The following THOC2 variants were observed in gnomAD, a reference collection of about 807,000 sequenced individuals.
The protein encoded by THOC2 is THO complex subunit 2.
A neutral mutation model predicts 128.4 loss-of-function variants in THOC2; 10 were observed. That is an observed-to-expected ratio of 0.08 (90% CI 0.05 to 0.13). THOC2 has a LOEUF of 0.13. THOC2 is among the 10% of genes least tolerant of loss of function. The pLI is 1.00. For missense variants in THOC2, 535 were observed against 1,155.7 expected, an observed-to-expected ratio of 0.46 and a Z score of 7.79; for synonymous variants, 393 against 396.9, an observed-to-expected ratio of 0.99 and a Z score of 0.12.
chrX:123,727,600 TTTTAA>T (rs1294092484), intron 1 of THOC2, among the ~76,000 whole-genome samples: 2 of 112,398 alleles, frequency 1.8e-5, no homozygotes, highest in Non-Finnish European at 3.8e-5. Context: ...TTTTTCCACT[TTTTAA>T]TTTAATTTTT....
At chrX:123,678,426 C>T (rs1266773721) in intron 8 of THOC2, among the ~76,000 whole-genome samples, 1 of 109,250 alleles carries the variant, frequency 9.2e-6, no homozygotes, top group East Asian at 2.9e-4. Flanking sequence ...CCACCAAGCC[C>T]AGCTAATTTT....
chrX:123,700,552 G>A (rs2050658679), intron 4 of THOC2, among the ~76,000 whole-genome samples: 2 of 77,006 alleles, frequency 2.6e-5, no homozygotes, highest in Admixed American at 1.5e-4. Flanking sequence ...GGTGGGGGGG[G>A]GTGGGGGGGT....
chrX:123,670,045 T>C (rs1396471362), intron 9 of THOC2, among the ~76,000 whole-genome samples: 3 of 112,327 alleles, frequency 2.7e-5, no homozygotes, highest in Non-Finnish European at 5.6e-5. Flanking sequence ...TTTCCACATA[T>C]GCCGGTCTAT....
chrX:123,716,614 A>G (rs2051426049), intron 1 of THOC2, among the ~76,000 whole-genome samples: 1 of 109,071 alleles, frequency 9.2e-6, no homozygotes, highest in Non-Finnish European at 1.9e-5. Flanking sequence ...GTGTAGACCC[A>G]GCTTCTCGGG....
Position 123,623,476 on chromosome X carries a change from T to C in THOC2, c.3504-193A>G, listed in dbSNP as rs201037703. 1.8e-5 allele frequency: 10 copies of C among 564,547 alleles called. No homozygotes were observed. The East Asian group carries it at 4.0e-4, about 22-fold the overall frequency. 46.5% of individuals were successfully genotyped at this position (564,547 alleles called of 1,213,427 possible). ...TTTCTTAAAAATTACAATTTCACTATAAACTAATCCTTAAACTAAGATGGC... is the reference window on the plus strand; with the variant it reads ...TTTCTTAAAAATTACAATTTCACTACAAACTAATCCTTAAACTAAGATGGC... On this transcript the variant is annotated intron_variant, in intron 28 of 38. Coordinates refer to ENST00000245838, the MANE Select transcript of THOC2 (RefSeq NM_001081550.2).
chrX:123,727,463 G>GA (rs2148001716), intron 1 of THOC2, among the ~76,000 whole-genome samples: 1 of 111,357 alleles, frequency 9.0e-6, no homozygotes, highest in African/African-American at 3.3e-5. Flanking sequence ...ATAGGGAGAG[G>GA]AAAAAACAAA....
intron 3 of THOC2, among the ~76,000 whole-genome samples, chrX:123,706,491 G>A (rs1167612262): frequency 9.3e-6 from 1 of 107,129 alleles, no homozygotes; most frequent in Non-Finnish European, 1.9e-5. Flanking sequence ...ATTTACATTA[G>A]GTATATCTCC....
intron 8 of THOC2, among the ~76,000 whole-genome samples, chrX:123,683,136 G>A (rs2049856674): frequency 9.0e-6 from 1 of 111,232 alleles, no homozygotes; most frequent in Non-Finnish European, 1.9e-5. Flanking sequence ...TACTGGTTGA[G>A]CATCCCAAAT....
At chrX:123,643,237 G>A (rs1242021746) in intron 15 of THOC2, among the ~76,000 whole-genome samples, 1 of 111,423 alleles carries the variant, frequency 9.0e-6, no homozygotes, top group Non-Finnish European at 1.9e-5. Context: ...TCTGGAAGTA[G>A]AATTGGCAGG....
intron 1 of THOC2, among the ~76,000 whole-genome samples, chrX:123,727,634 T>C (rs1315436293): frequency 8.9e-6 from 1 of 112,513 alleles, no homozygotes; most frequent in African/African-American, 3.2e-5. Context: ...AAAATAGAGA[T>C]AGGTTCTCGC....
intron 36 of THOC2, among the ~76,000 whole-genome samples, chrX:123,611,892 C>G (rs765691552): frequency 1.0e-3 from 109 of 108,353 alleles, no homozygotes; most frequent in Admixed American, 1.9e-3. Flanking sequence ...GAAAGATAAA[C>G]AAATGGCCAA....
chrX:123,624,528 T>G lies in THOC2; in HGVS notation c.3186+13A>C, dbSNP rs1261258150. The G allele has an allele frequency of 2.5e-6, 3 of 1,201,730 alleles. No individual in the cohort carries two copies. The South Asian group carries it at 5.4e-5, about 22-fold the overall frequency. On this transcript the variant is annotated intron_variant, in intron 26 of 38. Coordinates refer to ENST00000245838, the MANE Select transcript of THOC2 (RefSeq NM_001081550.2). The stretch of plus-strand genomic sequence containing the variant: ...ATACATGGGTAAAATATAAGGGTTT[T>G]TATTAGTCATACCTTTTCATATGTG...
intron 37 of THOC2, among the ~76,000 whole-genome samples, chrX:123,611,206 A>C (rs1226969836): frequency 3.6e-5 from 4 of 111,322 alleles, no homozygotes; most frequent in South Asian, 3.8e-4. Context: ...AAGACTATAA[A>C]TCCCTTAGTG....
chrX:123,606,035 GT>G (rs1020831331), intron 38 of THOC2, among the ~76,000 whole-genome samples: 2 of 111,134 alleles, frequency 1.8e-5, no homozygotes, highest in African/African-American at 6.5e-5. Context: ...AGAACACAAT[GT>G]TACCAGATGT....
intron 12 of THOC2, among the ~76,000 whole-genome samples, chrX:123,658,460 T>C (rs927842925): frequency 6.3e-5 from 7 of 111,608 alleles, no homozygotes; most frequent in Non-Finnish European, 9.4e-5. Flanking sequence ...TGTCCTTCAG[T>C]AGGTGAATGG....
rs181613819 is a variant in THOC2 at position 123,680,094 on chromosome X, C to T, written c.768+6454G>A. ...GTCCGACACCCGTAAAGGGTCTGTG[C>T]TGAAGAGCATTAGTAAAAGAGGAAG... On this transcript the variant is annotated intron_variant, in intron 8 of 38. Coordinates refer to ENST00000245838, the MANE Select transcript of THOC2 (RefSeq NM_001081550.2). Among the ~76,000 whole-genome samples the T allele has an allele frequency of 7.2e-5, 8 of 111,326 alleles. No homozygotes were observed. The East Asian group carries it at 2.0e-3, about 28-fold the overall frequency.
chrX:123,705,236 A>C (rs1342637309), intron 3 of THOC2, among the ~76,000 whole-genome samples: 1 of 112,040 alleles, frequency 8.9e-6, no homozygotes, highest in Non-Finnish European at 1.9e-5. Context: ...AGAAGAAGCT[A>C]TGTAAGAACC....
At chrX:123,635,473 C>T (rs2047638845) in intron 19 of THOC2, among the ~76,000 whole-genome samples, 1 of 111,513 alleles carries the variant, frequency 9.0e-6, no homozygotes, top group Non-Finnish European at 1.9e-5. Flanking sequence ...CTTCTGAAAA[C>T]AATTCAGGTT....
chrX:123,649,301 A>ATTTG (rs2048261915), intron 12 of THOC2, among the ~76,000 whole-genome samples: 1 of 111,550 alleles, frequency 9.0e-6, no homozygotes, highest in Non-Finnish European at 1.9e-5. Flanking sequence ...CAAAAACCCC[A>ATTTG]TCTGAACGAC....
Sources: gnomAD v4.1 joint callset for allele counts (sites outside exome capture counted in the v4.1 genomes callset) on GRCh38, gnomAD v4.1.1 for gene constraint, MANE v1.5 for transcripts, NCBI Gene and HGNC (gene_info 2026-07-23, HGNC 2026-07-21) for gene names.